Variants in RYR3 observed in about 807,000 individuals in gnomAD.
The protein encoded by RYR3 is ryanodine receptor 3, also known as brain ryanodine receptor-calcium release channel.
A neutral mutation model predicts 584.3 loss-of-function variants in RYR3; 207 were observed. The observed-to-expected ratio is 0.35, with a 90% CI of 0.32 to 0.40. RYR3 has a LOEUF of 0.40. Among genes scored for constraint, RYR3 ranks in the 10% least tolerant of loss-of-function variants. The probability of loss-of-function intolerance (pLI) is 1.00; values close to 1 mark genes in which losing one functional copy is unlikely to be tolerated. For synonymous variants in RYR3, 2,416 were observed against 2,248.5 expected, an observed-to-expected ratio of 1.07 and a Z score of -2.11; for missense variants, 5,616 against 6,089.2, an observed-to-expected ratio of 0.92 and a Z score of 2.59.
At chr15:33,367,880 G>C (rs1975724119) in intron 1 of RYR3, among the ~76,000 whole-genome samples, 1 of 152,172 alleles carries the variant, frequency 6.6e-6, no homozygotes, top group Admixed American at 6.5e-5. Context: ...TGAAAATTAA[G>C]TTATTGCAGA....
chr15:33,591,919 T>C (rs1276232228), intron 16 of RYR3, among the ~76,000 whole-genome samples: 1 of 152,214 alleles, frequency 6.6e-6, no homozygotes, highest in Non-Finnish European at 1.5e-5. Context: ...CTTTTACAGA[T>C]GAAAGCTGTG....
chr15:33,804,420 G>A lies in RYR3; in HGVS notation c.10011+2459G>A, dbSNP rs142096248. On this transcript the variant is annotated intron_variant, in intron 69 of 103. Coordinates refer to ENST00000634891, the MANE Select transcript of RYR3 (RefSeq NM_001036.6). Reference sequence around the variant, plus strand: ...GAAAGGAAGCTAAGTCTTGCCCCTGGCCCAGCTGTTGGCTAAAGCTACACC... The same window carrying A: ...GAAAGGAAGCTAAGTCTTGCCCCTGACCCAGCTGTTGGCTAAAGCTACACC... Among the ~76,000 whole-genome samples the A allele has an allele frequency of 4.1e-4, 63 of 152,226 alleles. 1 individual carries two copies. The East Asian group carries it at 0.011, about 27-fold the overall frequency.
In RYR3 at chr15:33,585,993, T is replaced by C. The variant is rs2058828581; in HGVS notation, c.1670-5T>C. 3.8e-6 allele frequency: 6 copies of C among 1,574,608 alleles called. No homozygotes were observed. Among genetic ancestry groups the C allele is most frequent in the Non-Finnish European group, 5.2e-6 (6 of 1,143,988 alleles). On this transcript the variant is annotated splice_region_variant and splice_polypyrimidine_tract_variant and intron_variant, in intron 15 of 103. Coordinates refer to ENST00000634891, the MANE Select transcript of RYR3 (RefSeq NM_001036.6). Reference sequence around the variant, plus strand: ...CCAAATTTGATGTTTGTGGCATTCATGTAGGTATCTTGGAAGTTTTGCACT... The same window carrying C: ...CCAAATTTGATGTTTGTGGCATTCACGTAGGTATCTTGGAAGTTTTGCACT...
chr15:33,653,669 C>CAA (rs35053294), intron 32 of RYR3, among the ~76,000 whole-genome samples: 5 of 143,972 alleles, frequency 3.5e-5, no homozygotes, highest in East Asian at 4.1e-4. Flanking sequence ...GACTCCATCT[C>CAA]AAAAAAAAAA....
chr15:33,743,938 A>G (rs543617680), intron 52 of RYR3, among the ~76,000 whole-genome samples: 6 of 152,308 alleles, frequency 3.9e-5, no homozygotes, highest in South Asian at 2.1e-4. Flanking sequence ...TCTGAAGACA[A>G]TGGTCAAAAT....
At chr15:33,800,579 T>A (rs2075865028) in intron 67 of RYR3, among the ~76,000 whole-genome samples, 191 bp from the exon 68 acceptor site, 1 of 152,224 alleles carries the variant, frequency 6.6e-6, no homozygotes, top group African/African-American at 2.4e-5. Flanking sequence ...AGAAATCTAC[T>A]CTAATTATGT....
At chr15:33,498,722 G>C (rs546138898) in intron 2 of RYR3, among the ~76,000 whole-genome samples, 5 of 151,880 alleles carry the variant, frequency 3.3e-5, no homozygotes, top group South Asian at 4.2e-4. Context: ...CTGTGTTTTT[G>C]AGATCTTTCT....
At chr15:33,746,803 C>T (rs1596403502) in intron 53 of RYR3, among the ~76,000 whole-genome samples, 2 of 135,690 alleles carry the variant, frequency 1.5e-5, no homozygotes, top group Non-Finnish European at 3.2e-5. Context: ...TTTCTTTCTT[C>T]TTTTTTTTTT....
Position 33,451,985 on chromosome 15 carries a change from A to G in RYR3, c.52-21434A>G, listed in dbSNP as rs549878738. 2.0e-5 allele frequency among the ~76,000 whole-genome samples: 3 copies of G among 152,368 alleles called. No homozygotes were observed. In the East Asian group the frequency reaches 5.8e-4, roughly 29 times the overall value. ...AAATTAAATCACAATCACAGACTTA[A>G]TCAAACTGTCTAAGGCACTGAAGTC... On this transcript the variant is annotated intron_variant, in intron 1 of 103. Transcript: ENST00000634891.
Position 33,788,449 on chromosome 15 carries a change from A to G in RYR3, c.9821A>G (p.Asp3274Gly). Residue 3274 changes from aspartate to glycine, a missense_variant, in exon 67 of 104, where the codon GAC becomes GGC. Asp to Gly is a moderately conservative substitution (Grantham distance 94). Transcript: ENST00000634891. ...TACCCCATGCTGATCCGCTACGTGG[A>G]CAACAACAGGTACGGAGGAGAGCAC... The part of the protein sequence containing the change: ...AFYPMLIRYV[D>G]NNRSNWLKSP... 1.2e-6 allele frequency: 2 copies of G among 1,613,748 alleles called. No homozygotes were observed. The highest frequency in any genetic ancestry group is 1.7e-6 in the Non-Finnish European group (2 of 1,179,652).
intron 73 of RYR3, 115 bp from the exon 74 acceptor site, chr15:33,813,352 C>A: frequency 1.2e-6 from 1 of 868,118 alleles, no homozygotes. Flanking sequence ...ATTTTGCTAA[C>A]TACAGTTGAG....
At chr15:33,823,459 A>G (rs2077213474) in intron 81 of RYR3, among the ~76,000 whole-genome samples, 1 of 152,234 alleles carries the variant, frequency 6.6e-6, no homozygotes, top group South Asian at 2.1e-4. Context: ...ACTATGATTC[A>G]GGGCTATGTT....
At chr15:33,624,408 T>A (rs1472113422) in intron 20 of RYR3, among the ~76,000 whole-genome samples, 1 of 152,240 alleles carries the variant, frequency 6.6e-6, no homozygotes, top group Non-Finnish European at 1.5e-5. Context: ...CTAGAATGTT[T>A]CTAGAAGTCT....
intron 30 of RYR3, among the ~76,000 whole-genome samples, chr15:33,648,548 A>G (rs549893605): frequency 6.6e-6 from 1 of 152,374 alleles, no homozygotes; most frequent in Admixed American, 6.5e-5. Context: ...ACATTTGGCC[A>G]TGAGATGAAC....
At chr15:33,668,510 TG>T (rs1383987850) in intron 36 of RYR3, among the ~76,000 whole-genome samples, 9 of 152,168 alleles carry the variant, frequency 5.9e-5, no homozygotes, top group African/African-American at 2.2e-4. Flanking sequence ...GGGAAATTTA[TG>T]AAATACAAAA....
At chr15:33,828,979 G>C (rs183093684) in intron 85 of RYR3, among the ~76,000 whole-genome samples, 1 of 152,198 alleles carries the variant, frequency 6.6e-6, no homozygotes, top group South Asian at 2.1e-4. Context: ...TTTCTTATTA[G>C]GGGCAGCCCA....
At chr15:33,807,453 G>A (rs1596705374) in intron 69 of RYR3, 102 bp from the exon 70 acceptor site, 2 of 1,137,988 alleles carry the variant, frequency 1.8e-6, no homozygotes, top group Admixed American at 4.0e-5. Flanking sequence ...GAGAAATGGG[G>A]GCTAAGAAGC....
At chr15:33,513,458 C>G (rs563454478) in intron 3 of RYR3, among the ~76,000 whole-genome samples, 3 of 152,122 alleles carry the variant, frequency 2.0e-5, no homozygotes, top group Non-Finnish European at 4.4e-5. Flanking sequence ...GACGTGGAAT[C>G]GGTGGAAAGA....
chr15:33,331,986 T>C (rs1297773971), intron 1 of RYR3, among the ~76,000 whole-genome samples: 1 of 151,952 alleles, frequency 6.6e-6, no homozygotes. Flanking sequence ...ACTTTAAGTA[T>C]AATATGCAAA....
Sources: gnomAD v4.1 joint callset for allele counts (sites outside exome capture counted in the v4.1 genomes callset) on GRCh38, gnomAD v4.1.1 for gene constraint, MANE v1.5 for transcripts, NCBI Gene and HGNC (gene_info 2026-07-23, HGNC 2026-07-21) for gene names.